Variants in ROBO2 observed in about 807,000 individuals in gnomAD.
ROBO2 encodes roundabout guidance receptor 2.
ROBO2 carries 53 observed loss-of-function variants against 160.8 expected under a neutral mutation model. The observed-to-expected ratio is 0.33, with a 90% CI of 0.26 to 0.41. The LOEUF is 0.41. Ranked by LOEUF, ROBO2 falls within the 10% of genes least tolerant of loss-of-function variation. ROBO2 has a pLI of 1.00. For missense variants in ROBO2, 1,577 were observed against 1,722.4 expected (o/e 0.92, Z 1.49); for synonymous variants, 664 against 611.7 (o/e 1.09, Z -1.26).
chr3:77,002,886 C>T (rs1336043877), intron 2 of ROBO2, among the ~76,000 whole-genome samples: 1 of 152,106 alleles, frequency 6.6e-6, no homozygotes, highest in Non-Finnish European at 1.5e-5. Flanking sequence ...CCTACTCAAA[C>T]ATTCATGTAT....
At chr3:76,280,980 C>T (rs112535625) in intron 2 of ROBO2, among the ~76,000 whole-genome samples, 243 of 152,050 alleles carry the variant, frequency 1.6e-3, no homozygotes, top group African/African-American at 5.5e-3. Flanking sequence ...GAAGTCTCAC[C>T]GTTTGTGCTG....
chr3:77,021,410 T>C (rs757362157), intron 2 of ROBO2, among the ~76,000 whole-genome samples: 2 of 151,974 alleles, frequency 1.3e-5, no homozygotes, highest in Non-Finnish European at 2.9e-5. Flanking sequence ...CTAGAATCTC[T>C]CTCCCTCAAA....
chr3:76,860,030 G>A (rs2070577760), intron 2 of ROBO2, among the ~76,000 whole-genome samples: 1 of 152,036 alleles, frequency 6.6e-6, no homozygotes, highest in Admixed American at 6.5e-5. Flanking sequence ...ACCTACCTTT[G>A]TGTCATTATT....
intron 2 of ROBO2, among the ~76,000 whole-genome samples, chr3:76,595,917 A>T (rs554471970): frequency 2.6e-5 from 4 of 152,194 alleles, no homozygotes; most frequent in African/African-American, 9.6e-5. Context: ...GTAACTACTT[A>T]TCTCTGAATA....
chr3:77,356,532 A>G (rs2069156246), intron 2 of ROBO2, among the ~76,000 whole-genome samples: 1 of 152,196 alleles, frequency 6.6e-6, no homozygotes, highest in Non-Finnish European at 1.5e-5. Context: ...TTTCTTACCC[A>G]TCCCTGGGTT....
At chr3:77,185,856 G>A (rs924167190) in intron 2 of ROBO2, among the ~76,000 whole-genome samples, 4 of 151,788 alleles carry the variant, frequency 2.6e-5, no homozygotes, top group Admixed American at 1.3e-4. Flanking sequence ...CCATAAAAAG[G>A]AATGAATTAA....
chr3:76,642,358 T>C (rs976315956), intron 2 of ROBO2, among the ~76,000 whole-genome samples: 49 of 139,312 alleles, frequency 3.5e-4, no homozygotes, highest in African/African-American at 1.3e-3. Flanking sequence ...TTTTTTTTTT[T>C]TTTTTTTTTT....
intron 2 of ROBO2, among the ~76,000 whole-genome samples, chr3:76,680,242 T>A (rs1156983922): frequency 2.6e-5 from 4 of 152,082 alleles, no homozygotes; most frequent in Admixed American, 2.0e-4. Flanking sequence ...ATAAAATGTA[T>A]AAGCCTTACC....
At chr3:75,942,626 C>T (rs1948108215) in intron 2 of ROBO2, among the ~76,000 whole-genome samples, 1 of 152,036 alleles carries the variant, frequency 6.6e-6, no homozygotes, top group African/African-American at 2.4e-5. Context: ...TACACACTCC[C>T]AAACATTTGA....
intron 2 of ROBO2, among the ~76,000 whole-genome samples, chr3:77,441,362 C>T (rs1329059596): frequency 6.6e-6 from 1 of 150,702 alleles, no homozygotes. Flanking sequence ...TGTAAGTGTG[C>T]AACTGTATAT....
rs149321537 is a variant in ROBO2 at position 77,169,310 on chromosome 3, C to G, written c.388+70970C>G. ...CTATCTTAGCCAATTATCTTAGATACCTATGATTAAAATAGCCCTGTTTGA... is the reference window on the plus strand; with the variant it reads ...CTATCTTAGCCAATTATCTTAGATAGCTATGATTAAAATAGCCCTGTTTGA... On this transcript the variant is annotated intron_variant, in intron 2 of 25. Transcript: ENST00000461745. Among the ~76,000 whole-genome samples, 387 of 152,168 alleles carry G rather than the reference C, an allele frequency of 2.5e-3. 1 individual carries two copies. The highest frequency in any genetic ancestry group is 0.01 in the Middle Eastern group (3 of 294).
intron 2 of ROBO2, among the ~76,000 whole-genome samples, chr3:76,858,913 G>T (rs112468582): frequency 6.6e-6 from 1 of 152,202 alleles, no homozygotes; most frequent in African/African-American, 2.4e-5. Context: ...TAGAAACCAG[G>T]ATGGCTGTGC....
intron 23 of ROBO2, chr3:77,633,832 G>A (rs996467724): frequency 1.3e-5 from 2 of 152,194 alleles, no homozygotes; most frequent in Non-Finnish European, 2.9e-5. Flanking sequence ...TGTTGCTTGA[G>A]TGCTTTTTGC....
intron 2 of ROBO2, among the ~76,000 whole-genome samples, chr3:76,889,081 T>A (rs1248288997): frequency 6.6e-6 from 1 of 152,170 alleles, no homozygotes; most frequent in African/African-American, 2.4e-5. Flanking sequence ...CAACTTCCTG[T>A]GAGCTTCTCC....
At chr3:77,516,045 T>C (rs2089985262) in intron 5 of ROBO2, among the ~76,000 whole-genome samples, 1 of 151,648 alleles carries the variant, frequency 6.6e-6, no homozygotes, top group Non-Finnish European at 1.5e-5. Context: ...TGTTCTCTTT[T>C]AATATGAATA....
intron 2 of ROBO2, among the ~76,000 whole-genome samples, chr3:76,617,871 AG>A (rs1378218438): frequency 6.6e-6 from 1 of 151,686 alleles, no homozygotes; most frequent in East Asian, 1.9e-4. Flanking sequence ...ATGAGAGCTT[AG>A]CAAAGGAGGA....
chr3:76,077,406 T>A lies in ROBO2; in HGVS notation c.109+139804T>A, dbSNP rs192262028. ...GGTGAAACCCCGTCTCTACTAAAAA[T>A]ACAAAAATTAGCCGTGTGTGGTGGC... On this transcript the variant is annotated intron_variant, in intron 2 of 26. Coordinates refer to the ROBO2 transcript ENST00000487694. 1.0e-3 allele frequency among the ~76,000 whole-genome samples: 153 copies of A among 152,052 alleles called. 1 individual carries two copies. The Middle Eastern group carries it at 0.017, about 17-fold the overall frequency.
intron 2 of ROBO2, among the ~76,000 whole-genome samples, chr3:76,335,944 T>G (rs552081690): frequency 6.6e-6 from 1 of 152,334 alleles, no homozygotes; most frequent in East Asian, 1.9e-4. Flanking sequence ...ACTTAAATAT[T>G]TTTCTCTTGA....
chr3:77,459,842 G>A (rs1454610612), intron 2 of ROBO2, among the ~76,000 whole-genome samples: 1 of 151,068 alleles, frequency 6.6e-6, no homozygotes, highest in Non-Finnish European at 1.5e-5. Flanking sequence ...AAGGAAGGGA[G>A]CAGAAGGGGT....
Sources: allele counts gnomAD v4.1 joint callset (sites outside exome capture counted in the v4.1 genomes callset), GRCh38; gene constraint gnomAD v4.1.1; transcripts MANE v1.5; gene names NCBI Gene and HGNC (gene_info 2026-07-23, HGNC 2026-07-21).